The following DNAH17 variants were observed in gnomAD, a reference collection of about 807,000 sequenced individuals.
DNAH17 encodes the protein dynein axonemal heavy chain 17.
DNAH17 carries 376 observed loss-of-function variants against 485.6 expected under a neutral mutation model. The ratio of observed to expected loss-of-function variants is 0.77; its 90% CI spans 0.71 to 0.84. The LOEUF is 0.84. DNAH17 is among the 40% of genes least tolerant of loss of function. The pLI, the probability that DNAH17 is intolerant of heterozygous loss-of-function variation, is 0.00. For synonymous variants in DNAH17, 3,031 were observed against 2,405.9 expected (o/e 1.26, Z -7.60); for missense variants, 6,370 against 5,839.3 (o/e 1.09, Z -2.96).
In DNAH17 at chr17:78,572,845, T is replaced by A. The variant is rs1395274458; in HGVS notation, c.395A>T (p.Gln132Leu). The A allele has an allele frequency of 1.9e-6, 3 of 1,613,908 alleles. No homozygotes were observed. The highest frequency in any genetic ancestry group is 2.5e-6 in the Non-Finnish European group (3 of 1,179,864). Residue 132 changes from glutamine (Q) to leucine (L), a missense_variant, in exon 3 of 81, where the codon CAG becomes CTG. By Grantham distance (113) the Gln-to-Leu change is moderately radical. Transcript: ENST00000389840. ...CTTCACGATGTCTTCCGAGACCACC[T>A]GGGGCCATCCAGCCATGTTCTCACT... ...NQSENMAGWP[Q>L]VVSEDIVKQV...
intron 57 of DNAH17, 107 bp from the exon 58 acceptor site, chr17:78,461,815 G>C: frequency 8.8e-7 from 1 of 1,140,370 alleles, no homozygotes; most frequent in East Asian, 2.7e-5. Flanking sequence ...AGAACGGCAG[G>C]GCCGTGTCTT....
Position 78,494,634 on chromosome 17 carries a change from C to G in DNAH17, c.6229G>C (p.Ala2077Pro). 1 of 1,613,900 alleles carries G rather than the reference C, an allele frequency of 6.2e-7. No individual in the cohort carries two copies. The highest frequency in any genetic ancestry group is 1.6e-4 in the Middle Eastern group (1 of 6,062). The stretch of plus-strand genomic sequence containing the variant: ...TCCCGTTTCCGAGGCACGTCCAGAG[C>G]CGGGAAGAGGTCCCCGATCAGTCCC... ...FMGLIGDLFP[A>P]LDVPRKRDLN... Residue 2077 changes from alanine to proline, a missense_variant, in exon 40 of 81, where the codon GCT becomes CCT. Ala to Pro is a conservative substitution (Grantham distance 27). Transcript: ENST00000389840.
intron 24 of DNAH17, among the ~76,000 whole-genome samples, chr17:78,525,817 C>T (rs1382012972): frequency 6.6e-6 from 1 of 152,248 alleles, no homozygotes; most frequent in Non-Finnish European, 1.5e-5. Flanking sequence ...ATGGCTGCAT[C>T]TCCATCGTGG....
chr17:78,479,657 C>G, intron 49 of DNAH17, 25 bp from the exon 50 acceptor site: 1 of 1,610,466 alleles, frequency 6.2e-7, no homozygotes, highest in South Asian at 1.1e-5. Context: ...CCAAACACTC[C>G]AGTCAGCCAG....
rs1323213086 is a variant in DNAH17 at position 78,561,791 on chromosome 17, C to T, written c.1759G>A (p.Gly587Arg). 6.2e-6 allele frequency: 10 copies of T among 1,613,416 alleles called. No individual in the cohort carries two copies. The highest frequency in any genetic ancestry group is 3.3e-5 in the South Asian group (3 of 90,966). The change falls in exon 12 of 81, where the codon GGG (glycine) becomes AGG (arginine). Residue 587 changes from glycine to arginine, a missense_variant. Physicochemically the swap from Gly to Arg is moderately radical, Grantham distance 125. Coordinates refer to ENST00000389840, the MANE Select transcript of DNAH17 (RefSeq NM_173628.4). ...LIHKNMPPVAGQLKWSLELQE... is the reference protein window; with the variant it reads ...LIHKNMPPVARQLKWSLELQE... ...AGCTCCAGGCTCCATTTGAGCTGCCCGGCCACGGGAGGCATGTTTTTGTGG... is the reference window on the plus strand; with the variant it reads ...AGCTCCAGGCTCCATTTGAGCTGCCTGGCCACGGGAGGCATGTTTTTGTGG...
intron 48 of DNAH17, among the ~76,000 whole-genome samples, chr17:78,481,851 C>T (rs1881285364): frequency 6.6e-6 from 1 of 151,990 alleles, no homozygotes; most frequent in African/African-American, 2.4e-5. Context: ...CCCATCTCTA[C>T]TAAAAATACA....
At chr17:78,574,216 A>C (rs556008488) in intron 2 of DNAH17, among the ~76,000 whole-genome samples, 1 of 152,218 alleles carries the variant, frequency 6.6e-6, no homozygotes, top group African/African-American at 2.4e-5. Context: ...GTGGCCGGGC[A>C]TGATGGCTCA....
chr17:78,546,394 C>G (rs8066260), intron 16 of DNAH17, among the ~76,000 whole-genome samples: 118,257 of 152,098 alleles, frequency 0.78, 46,091 homozygotes, highest in African/African-American at 0.79. Flanking sequence ...CTTTTAAATA[C>G]TTTATATATA....
intron 25 of DNAH17, among the ~76,000 whole-genome samples, chr17:78,523,797 C>A (rs1014816929): frequency 6.6e-6 from 1 of 152,220 alleles, no homozygotes; most frequent in African/African-American, 2.4e-5. Context: ...GTCCCAGTTA[C>A]TTGCGAGGCT....
chr17:78,574,664 A>G, intron 2 of DNAH17, 49 bp downstream of exon 2: 1 of 1,511,782 alleles, frequency 6.6e-7, no homozygotes, highest in Non-Finnish European at 9.0e-7. Context: ...GCCGCTCCCG[A>G]GAAGTCGGTC....
chr17:78,546,844 G>A lies in DNAH17; in HGVS notation c.2392-2847C>T, dbSNP rs570335722. Among the ~76,000 whole-genome samples, 539 of 152,186 alleles carry A rather than the reference G, an allele frequency of 3.5e-3. 13 individuals are homozygous for A. Among genetic ancestry groups the A allele is most frequent in the East Asian group, 5.4e-3 (28 of 5,182 alleles). On this transcript the variant is annotated intron_variant, in intron 16 of 80. Transcript: ENST00000389840. Reference sequence around the variant, plus strand: ...TCGCTTGAACCCAGAGGCGGAGGTTGCAGCAAGCCGAGATTGTGCCATTGT... The same window carrying A: ...TCGCTTGAACCCAGAGGCGGAGGTTACAGCAAGCCGAGATTGTGCCATTGT...
At chr17:78,481,655 G>A (rs12948376) in intron 48 of DNAH17, among the ~76,000 whole-genome samples, 74,213 of 151,998 alleles carry the variant, frequency 0.49, 18,591 homozygotes, top group Admixed American at 0.59. Context: ...CTGACATACA[G>A]TAAGTATGCA....
chr17:78,572,113 T>C (rs1445058455), intron 3 of DNAH17, among the ~76,000 whole-genome samples: 1 of 152,138 alleles, frequency 6.6e-6, no homozygotes, highest in Admixed American at 6.5e-5. Flanking sequence ...GACATGGTGC[T>C]TGGGGCTTTG....
intron 62 of DNAH17, 47 bp downstream of exon 62, chr17:78,458,518 T>C: frequency 6.5e-7 from 1 of 1,532,746 alleles, no homozygotes; most frequent in Non-Finnish European, 9.0e-7. Flanking sequence ...CTTGTCCCTT[T>C]CAGGGGGTCT....
At chr17:78,532,420 TG>T (rs927349864) in intron 20 of DNAH17, 61 bp downstream of exon 20, 1 of 1,529,070 alleles carries the variant, frequency 6.5e-7, no homozygotes, top group Admixed American at 2.1e-5. Context: ...AAAGCAAGCC[TG>T]GTGATCCTCT....
rs374291565 is a variant in DNAH17 at position 78,453,358 on chromosome 17, G to A, written c.10514C>T (p.Thr3505Met). 1.5e-4 allele frequency: 238 copies of A among 1,613,426 alleles called. No individual in the cohort carries two copies. The highest frequency in any genetic ancestry group is 1.2e-3 in the South Asian group (106 of 90,968). Residue 3505 changes from threonine to methionine, a missense_variant, in exon 65 of 81, where the codon ACG becomes ATG. Transcript: ENST00000389840. ...PVLDPLLGRN[T>M]IKKGKYIKIG... The stretch of plus-strand genomic sequence containing the variant: ...AACAACTCACTTTCCCTTTTTAATC[G>A]TGTTCCTGCCCAGTAGAGGGTCCAG...
rs1336045947 is a variant in DNAH17 at position 78,501,808 on chromosome 17, C to A, written c.5256G>T (p.Lys1752Asn). The change falls in exon 34 of 81, where the codon AAG becomes AAT. Residue 1752 changes from lysine (K) to asparagine (N), a missense_variant. By Grantham distance (94) the Lys-to-Asn change is moderately conservative (BLOSUM62 0). Transcript: ENST00000389840. ...MGNLNAGDRMKIMTICTIDVH... is the reference protein window; with the variant it reads ...MGNLNAGDRMNIMTICTIDVH... The stretch of plus-strand genomic sequence containing the variant: ...CATCGATGGTGCAGATGGTCATGAT[C>A]TTCATCCTGTCGCCAGCGTTGAGGT... The A allele has an allele frequency of 1.9e-6, 3 of 1,613,900 alleles. No homozygotes were observed. The Admixed American group carries it at 5.0e-5, about 27-fold the overall frequency.
At position 78,439,134 on chromosome 17, in the gene DNAH17, C is replaced by T. The variant is rs35315621; in HGVS notation, c.11761G>A (p.Ala3921Thr). ...CCTTTCTCTGCAGCCACGTCCAGGG[C>T]GTTCTCAGCCACCACCTCTTGTCCC... ...GQGQEVVAEN[A>T]LDVAAEKGHW... The change falls in exon 73 of 81, where the codon GCC becomes ACC. Residue 3921 changes from alanine to threonine, a missense_variant. Transcript: ENST00000389840. 1.9e-6 allele frequency: 3 copies of T among 1,613,602 alleles called. No individual in the cohort carries two copies. Among genetic ancestry groups the T allele is most frequent in the East Asian group, 2.2e-5 (1 of 44,874 alleles).
At chr17:78,484,830 G>A (rs1346710096) in intron 48 of DNAH17, 38 bp downstream of exon 48, 34 of 1,301,344 alleles carry the variant, frequency 2.6e-5, no homozygotes, top group Non-Finnish European at 3.1e-5. Context: ...TCACCGCCCC[G>A]GGGCCACGCC....
Sources: allele counts gnomAD v4.1 joint callset (sites outside exome capture counted in the v4.1 genomes callset), GRCh38; gene constraint gnomAD v4.1.1; transcripts MANE v1.5; gene names NCBI Gene and HGNC (gene_info 2026-07-23, HGNC 2026-07-21).